The following NTM variants were observed in gnomAD, a reference collection of about 807,000 sequenced individuals.
The protein encoded by NTM is neurotrimin.
Under a neutral mutation model 42.1 loss-of-function variants are expected in NTM, and 13 were observed. The observed-to-expected ratio is 0.31, with a 90% confidence interval of 0.20 to 0.49. NTM has a LOEUF of 0.49. Among genes scored for constraint, NTM ranks in the 20% least tolerant of loss-of-function variants. The pLI is 0.99. For synonymous variants in NTM, 187 were observed against 179.2 expected (o/e 1.04, Z -0.35); for missense variants, 373 against 452.8 (o/e 0.82, Z 1.60).
At chr11:132,200,786 G>T (rs900101825) in intron 3 of NTM, among the ~76,000 whole-genome samples, 13 of 152,292 alleles carry the variant, frequency 8.5e-5, no homozygotes, top group African/African-American at 2.9e-4. Context: ...TTTGACCTGA[G>T]TGAGGCAGCC....
intron 1 of NTM, among the ~76,000 whole-genome samples, chr11:131,622,832 C>T (rs1445942664): frequency 6.6e-6 from 1 of 152,196 alleles, no homozygotes; most frequent in Non-Finnish European, 1.5e-5. Flanking sequence ...CGCACCGACC[C>T]TCCAGGAGTG....
intron 1 of NTM, among the ~76,000 whole-genome samples, chr11:131,671,748 C>T (rs2070293968): frequency 6.6e-6 from 1 of 152,204 alleles, no homozygotes; most frequent in Non-Finnish European, 1.5e-5. Flanking sequence ...AAAGAAGTGG[C>T]ATCGAAAGTG....
At chr11:132,186,013 G>A (rs748411659) in intron 3 of NTM, among the ~76,000 whole-genome samples, 7 of 152,194 alleles carry the variant, frequency 4.6e-5, no homozygotes, top group African/African-American at 9.7e-5. Context: ...GGGGGATTAC[G>A]GGAAGAATGA....
intron 2 of NTM, among the ~76,000 whole-genome samples, chr11:132,087,558 C>T (rs1298034975): frequency 6.6e-6 from 1 of 152,150 alleles, no homozygotes; most frequent in Non-Finnish European, 1.5e-5. Flanking sequence ...ACCAGACTGG[C>T]TGCTACCTCC....
intron 2 of NTM, among the ~76,000 whole-genome samples, chr11:132,128,795 G>A (rs568503898): frequency 5.3e-5 from 8 of 151,756 alleles, no homozygotes; most frequent in East Asian, 3.9e-4. Flanking sequence ...AAAATTAGCC[G>A]AGTGCGGTGG....
At chr11:132,015,997 G>A (rs1037896569) in intron 2 of NTM, among the ~76,000 whole-genome samples, 1 of 151,896 alleles carries the variant, frequency 6.6e-6, no homozygotes, top group Non-Finnish European at 1.5e-5. Context: ...TCTTGTTCCA[G>A]TTCTGAGAGG....
chr11:131,935,417 G>A (rs982602965), intron 2 of NTM, among the ~76,000 whole-genome samples: 10 of 152,082 alleles, frequency 6.6e-5, no homozygotes, highest in South Asian at 4.2e-4. Context: ...TTATGAGATC[G>A]GGATTGATTT....
At chr11:132,123,796 C>T (rs1334412348) in intron 2 of NTM, among the ~76,000 whole-genome samples, 1 of 152,236 alleles carries the variant, frequency 6.6e-6, no homozygotes, top group African/African-American at 2.4e-5. Context: ...ACGCATGTGC[C>T]GGTTACTGAC....
chr11:131,800,919 A>G (rs1218250804), intron 1 of NTM, among the ~76,000 whole-genome samples: 1 of 152,116 alleles, frequency 6.6e-6, no homozygotes, highest in Non-Finnish European at 1.5e-5. Context: ...TTTCACATGG[A>G]TGTTTGAATT....
chr11:131,548,086 C>CA (rs1470874216), intron 1 of NTM, among the ~76,000 whole-genome samples: 2 of 152,132 alleles, frequency 1.3e-5, no homozygotes, highest in Admixed American at 1.3e-4. Flanking sequence ...CTGCTGTTTC[C>CA]AGAACTGTGA....
chr11:131,597,378 C>A (rs537255891), intron 1 of NTM, among the ~76,000 whole-genome samples: 1 of 152,112 alleles, frequency 6.6e-6, no homozygotes, highest in South Asian at 2.1e-4. Context: ...CCTCCACTTG[C>A]GCTGCTTTCC....
chr11:132,320,138 A>C (rs1760906645), intron 7 of NTM, among the ~76,000 whole-genome samples: 1 of 152,198 alleles, frequency 6.6e-6, no homozygotes, highest in South Asian at 2.1e-4. Context: ...TCAAAGACCA[A>C]AGGTAGATAA....
chr11:131,657,008 G>A (rs1447758986), intron 1 of NTM, among the ~76,000 whole-genome samples: 4 of 152,084 alleles, frequency 2.6e-5, no homozygotes, highest in African/African-American at 9.7e-5. Flanking sequence ...CTGGAACTGA[G>A]GGGGTTAACC....
At chr11:131,615,667 G>A (rs2061858826) in intron 1 of NTM, among the ~76,000 whole-genome samples, 2 of 152,172 alleles carry the variant, frequency 1.3e-5, no homozygotes, top group African/African-American at 2.4e-5. Context: ...ACCGCACCCG[G>A]CCGTAGCAAG....
chr11:132,104,124 C>A (rs1183608000), intron 2 of NTM, among the ~76,000 whole-genome samples: 1 of 152,148 alleles, frequency 6.6e-6, no homozygotes, highest in Admixed American at 6.5e-5. Context: ...CAACTCCTGG[C>A]ACCTAGGATG....
intron 3 of NTM, among the ~76,000 whole-genome samples, chr11:132,160,638 TAACATAGGGA>T (rs1326576873): frequency 2.0e-5 from 3 of 152,100 alleles, no homozygotes; most frequent in Non-Finnish European, 4.4e-5. Context: ...TAACTCCTTT[TAACATAGGGA>T]GAGAGCTGGG....
intron 1 of NTM, among the ~76,000 whole-genome samples, chr11:131,437,862 A>G (rs1949281801): frequency 6.6e-6 from 1 of 152,202 alleles, no homozygotes; most frequent in Non-Finnish European, 1.5e-5. Flanking sequence ...TAGTTGATGC[A>G]GTTTCTTCCT....
At chr11:131,867,634 TTA>T (rs1477491763) in intron 1 of NTM, among the ~76,000 whole-genome samples, 4 of 151,966 alleles carry the variant, frequency 2.6e-5, no homozygotes, top group Admixed American at 6.6e-5. Flanking sequence ...GTGTCTGTGT[TTA>T]TGTCTGTGTA....
At chr11:132,056,785 C>T (rs932851234) in intron 2 of NTM, among the ~76,000 whole-genome samples, 3 of 152,216 alleles carry the variant, frequency 2.0e-5, no homozygotes, top group African/African-American at 7.2e-5. Flanking sequence ...CTTACACCCA[C>T]AGAGATGATC....
Sources: gnomAD v4.1 joint callset for allele counts (sites outside exome capture counted in the v4.1 genomes callset) on GRCh38, gnomAD v4.1.1 for gene constraint, MANE v1.5 for transcripts, NCBI Gene and HGNC (gene_info 2026-07-23, HGNC 2026-07-21) for gene names.